EIF2S3: variants seen among roughly 807,000 people sequenced by gnomAD.
EIF2S3 encodes eukaryotic translation initiation factor 2 subunit gamma.
EIF2S3 carries 2 observed loss-of-function variants against 31.7 expected under a neutral mutation model. That is an observed-to-expected ratio of 0.06 (90% CI 0.03 to 0.20). The LOEUF (loss-of-function observed/expected upper bound fraction) is 0.20. EIF2S3 is among the 10% of genes least tolerant of loss of function. EIF2S3 has a pLI of 1.00. For synonymous variants in EIF2S3, 120 were observed against 126.7 expected, an observed-to-expected ratio of 0.95 and a Z score of 0.36; for missense variants, 96 against 359.3, an observed-to-expected ratio of 0.27 and a Z score of 5.92.
intron 11 of EIF2S3, among the ~76,000 whole-genome samples, chrX:24,075,524 C>T (rs987888377): frequency 9.0e-6 from 1 of 111,679 alleles, no homozygotes; most frequent in Non-Finnish European, 1.9e-5. Flanking sequence ...CAAAATTAGT[C>T]TTCTTAAAAC....
Position 24,056,461 on chromosome X carries a change from G to A in EIF2S3, c.133+783G>A, listed in dbSNP as rs187009222. On this transcript the variant is annotated intron_variant, in intron 2 of 11. Coordinates refer to ENST00000253039, the MANE Select transcript of EIF2S3 (RefSeq NM_001415.4). ...AATAATTTGATCAACGGAACAAGTT[G>A]CAATTAAACTTAGGTTGTTTCCTTG... Among the ~76,000 whole-genome samples the A allele has an allele frequency of 3.7e-3, 418 of 112,065 alleles. 7 individuals are homozygous for A. Among genetic ancestry groups the A allele is most frequent in the Admixed American group, 0.034 (359 of 10,483 alleles).
intron 5 of EIF2S3, 172 bp downstream of exon 5, chrX:24,060,354 C>A: frequency 2.4e-6 from 1 of 422,267 alleles, no homozygotes; most frequent in East Asian, 3.8e-5. Context: ...TCACAAAATA[C>A]TCAAAAAGAT....
rs139291561 is a variant in EIF2S3 at position 24,074,393 on chromosome X, T to A, written c.1355+1130T>A. On this transcript the variant is annotated intron_variant, in intron 11 of 11. Coordinates refer to ENST00000253039, the MANE Select transcript of EIF2S3 (RefSeq NM_001415.4). Reference sequence around the variant, plus strand: ...CATGATATCTGACTGCTCCTCTTTGTTAAGGTTAGTTTTGACTATGTAGTC... The same window carrying A: ...CATGATATCTGACTGCTCCTCTTTGATAAGGTTAGTTTTGACTATGTAGTC... Among the ~76,000 whole-genome samples the A allele has an allele frequency of 7.2e-3, 812 of 112,175 alleles. 4 individuals are homozygous for A. Among genetic ancestry groups the A allele is most frequent in the Non-Finnish European group, 0.011 (592 of 53,250 alleles).
At chrX:24,066,880 A>C (rs758617977) in intron 8 of EIF2S3, among the ~76,000 whole-genome samples, 5 of 111,715 alleles carry the variant, frequency 4.5e-5, no homozygotes, top group African/African-American at 1.6e-4. Flanking sequence ...ATGTTTGGCT[A>C]TTGTGAACTG....
chrX:24,056,957 G>A (rs1476111982), intron 2 of EIF2S3, among the ~76,000 whole-genome samples: 2 of 112,611 alleles, frequency 1.8e-5, no homozygotes, highest in Non-Finnish European at 3.8e-5. Context: ...GTATGGAGGA[G>A]GAAAAATTGA....
chrX:24,074,865 T>C (rs375840837), intron 11 of EIF2S3, among the ~76,000 whole-genome samples: 6 of 70,295 alleles, frequency 8.5e-5, no homozygotes, highest in South Asian at 1.3e-3. Flanking sequence ...TCTTCTTCTT[T>C]TTTTTTTTTT....
At chrX:24,066,908 G>A (rs1930584622) in intron 8 of EIF2S3, among the ~76,000 whole-genome samples, 1 of 111,960 alleles carries the variant, frequency 8.9e-6, no homozygotes, top group Admixed American at 9.5e-5. Context: ...ATAAACATGG[G>A]AGTGCAGATA....
rs1274569081 is a variant in EIF2S3, at chrX:24,064,099, A to G, written c.638-102A>G. 5 of 743,787 alleles carry G rather than the reference A, an allele frequency of 6.7e-6. No individual in the cohort carries two copies. In the African/African-American group the frequency reaches 8.9e-5, roughly 13 times the overall value. 61.3% of individuals were successfully genotyped at this position (743,787 alleles called of 1,213,427 possible). A position where few individuals can be genotyped will look rare whatever the true frequency, so the allele number is the denominator to read the frequency against. ...GCTGACATTTATATGGGGTTTAGGC[A>G]TCTATTTTATTATAGTAATCTTAAT... is the stretch of plus-strand genomic sequence containing the variant. On this transcript the variant is annotated intron_variant, in intron 6 of 11. Coordinates refer to ENST00000253039, the MANE Select transcript of EIF2S3 (RefSeq NM_001415.4).
chrX:24,062,600 T>C, intron 6 of EIF2S3, 26 bp downstream of exon 6: 1 of 1,195,971 alleles, frequency 8.4e-7, no homozygotes, highest in Non-Finnish European at 1.1e-6. Flanking sequence ...ATGAAATAAA[T>C]CTATGAATCA....
chrX:24,059,500 G>A (rs747083435), intron 4 of EIF2S3, among the ~76,000 whole-genome samples: 3 of 107,368 alleles, frequency 2.8e-5, no homozygotes, highest in Admixed American at 1.0e-4. Flanking sequence ...TTGGCGCATT[G>A]CAACCTCCAC....
At chrX:24,055,504 A>G (rs1239150016) in intron 1 of EIF2S3, 111 bp from the exon 2 acceptor site, 2 of 731,181 alleles carry the variant, frequency 2.7e-6, no homozygotes, top group Non-Finnish European at 2.1e-6. Context: ...GAGCTTTAGA[A>G]GTAGTGGAAA....
chrX:24,055,538 T>C (rs1317172429), intron 1 of EIF2S3, 77 bp from the exon 2 acceptor site: 2 of 1,023,895 alleles, frequency 2.0e-6, no homozygotes, highest in African/African-American at 3.7e-5. Context: ...TGGCAAGATG[T>C]AGATAGCAAA....
At chrX:24,073,930 A>G (rs1441995935) in intron 11 of EIF2S3, among the ~76,000 whole-genome samples, 2 of 112,262 alleles carry the variant, frequency 1.8e-5, no homozygotes, top group Admixed American at 9.5e-5. Context: ...ATTTACATAT[A>G]TAAGTTTTTT....
In EIF2S3 at chrX:24,076,866, C is replaced by A; in HGVS notation, c.*81C>A. 1.2e-6 allele frequency: 1 copy of A among 837,654 alleles called. No homozygotes were observed. Among genetic ancestry groups the A allele is most frequent in the Non-Finnish European group, 1.7e-6 (1 of 604,840 alleles). The allele number at this position is 837,654 out of a possible 1,213,427, so 69.0% of individuals were successfully genotyped here. On this transcript the variant is annotated 3_prime_UTR_variant, in exon 12 of 12. Transcript: ENST00000253039. ...ACAACCAAGGGGTTTATTTTCAAAG[C>A]AATATTGGGGAATTGATTTCACAGT...
intron 11 of EIF2S3, 24 bp downstream of exon 11, chrX:24,073,287 T>C (rs777680479): frequency 2.5e-6 from 3 of 1,207,801 alleles, no homozygotes; most frequent in Non-Finnish European, 3.4e-6. Flanking sequence ...TCTTTGCCAC[T>C]GTCTAATTAA....
At chrX:24,071,776 A>G in intron 10 of EIF2S3, 49 bp downstream of exon 10, 1 of 1,129,063 alleles carries the variant, frequency 8.9e-7, no homozygotes, top group Non-Finnish European at 1.2e-6. Flanking sequence ...GACAAATGGG[A>G]GTGTTAAACC....
chrX:24,057,603 A>G, intron 3 of EIF2S3, 30 bp from the exon 4 acceptor site: 1 of 1,209,606 alleles, frequency 8.3e-7, no homozygotes, highest in Non-Finnish European at 1.1e-6. Flanking sequence ...GCAGATAACA[A>G]ATCAAAATCT....
At chrX:24,062,844 A>G (rs1218547826) in intron 6 of EIF2S3, among the ~76,000 whole-genome samples, 1 of 111,894 alleles carries the variant, frequency 8.9e-6, no homozygotes, top group Non-Finnish European at 1.9e-5. Context: ...AGATTAAAAA[A>G]AATCTCAGTG....
At chrX:24,057,854 T>G in intron 4 of EIF2S3, 100 bp downstream of exon 4, 2 of 930,010 alleles carry the variant, frequency 2.2e-6, no homozygotes, top group Non-Finnish European at 2.9e-6. Flanking sequence ...ACCTAATGGC[T>G]AAATGGTTTT....
Sources: allele counts gnomAD v4.1 joint callset (sites outside exome capture counted in the v4.1 genomes callset), GRCh38; gene constraint gnomAD v4.1.1; transcripts MANE v1.5; gene names NCBI Gene and HGNC (gene_info 2026-07-23, HGNC 2026-07-21).